FGFR3: variants seen among roughly 807,000 people sequenced by gnomAD.
FGFR3 encodes the protein FGFR-3.
In FGFR3, 25 loss-of-function variants were observed where a neutral mutation model predicts 82.9. The ratio of observed to expected loss-of-function variants is 0.30; its 90% CI spans 0.22 to 0.42. The LOEUF is 0.42. FGFR3 is among the 10% of genes least tolerant of loss of function. The probability of loss-of-function intolerance (pLI) is 1.00; values close to 1 mark genes in which losing one functional copy is unlikely to be tolerated. For missense variants in FGFR3, 1,026 were observed against 1,161.0 expected, an observed-to-expected ratio of 0.88 and a Z score of 1.69; for synonymous variants, 620 against 516.0, an observed-to-expected ratio of 1.20 and a Z score of -2.73.
At chr4:1,804,224 GC>G in intron 8 of FGFR3, 105 bp from the exon 9 acceptor site, 2 of 1,314,138 alleles carry the variant, frequency 1.5e-6, no homozygotes, top group Non-Finnish European at 1.0e-6. Context: ...GAGGTTCTGA[GC>G]CCCCTTCCGC....
intron 9 of FGFR3, 122 bp from the exon 10 acceptor site, chr4:1,804,702 A>G (rs1168764438): frequency 1.9e-5 from 28 of 1,438,550 alleles, no homozygotes; most frequent in Non-Finnish European, 2.6e-5. Context: ...CATTCTAAAA[A>G]TCTTCATTCA....
intron 2 of FGFR3, among the ~76,000 whole-genome samples, chr4:1,795,257 CG>C (rs1366477651): frequency 2.0e-5 from 3 of 152,074 alleles, no homozygotes; most frequent in Non-Finnish European, 4.4e-5. Context: ...GGGGCGGCCG[CG>C]GGGGGAGCTT....
intron 7 of FGFR3, 35 bp downstream of exon 7, chr4:1,802,060 G>C (rs1374402480): frequency 6.3e-7 from 1 of 1,591,536 alleles, no homozygotes; most frequent in Non-Finnish European, 8.6e-7. Flanking sequence ...GCCGCCGCTG[G>C]GGCTCCTGGG....
Position 1,805,933 on chromosome 4 carries a change from C to A in FGFR3, c.1829C>A (p.Ser610Tyr), listed in dbSNP as rs1176295260. ...GCCCGGGGCATGGAGTACTTGGCCTCCCAGAAGGTGGGCAGGGCGGCAGGT... is the reference window on the plus strand; with the variant it reads ...GCCCGGGGCATGGAGTACTTGGCCTACCAGAAGGTGGGCAGGGCGGCAGGT... ...QVARGMEYLA[S>Y]QKCIHRDLAA... Residue 610 changes from serine to tyrosine, a missense_variant, in exon 13 of 18, where the codon TCC (serine) becomes TAC (tyrosine). Around this residue, in one of 9 missense-constraint regions of FGFR3, gnomAD observed 164 missense variants for 167.5 expected, o/e 0.98. Coordinates refer to ENST00000440486, the MANE Select transcript of FGFR3 (RefSeq NM_000142.5). 40 of 1,608,340 alleles carry A rather than the reference C, an allele frequency of 2.5e-5. No individual in the cohort carries two copies. Among genetic ancestry groups the A allele is most frequent in the Admixed American group, 3.3e-5 (2 of 59,864 alleles).
Position 1,806,484 on chromosome 4 carries a change from G to C in FGFR3, c.2031-62G>C, listed in dbSNP as rs566872760. On this transcript the variant is annotated intron_variant, in intron 15 of 17. Transcript: ENST00000440486. ...AGCGCAGCCCTGGCCTATTCCCCTG[G>C]TGCCCGCCCAGGTGTCTGTCCTGGG... The C allele has an allele frequency of 3.1e-6, 5 of 1,612,236 alleles. No individual in the cohort carries two copies. The African/African-American group carries it at 5.3e-5, about 17-fold the overall frequency.
chr4:1,807,843 T>C lies in FGFR3; in HGVS notation c.*581T>C. 1 of 438,388 alleles carries C rather than the reference T, an allele frequency of 2.3e-6. No homozygotes were observed. The highest frequency in any genetic ancestry group is 4.3e-6 in the Non-Finnish European group (1 of 230,552). The allele number at this position is 438,388 out of a possible 1,614,324, so 27.2% of individuals were successfully genotyped here. On this transcript the variant is annotated 3_prime_UTR_variant, in exon 18 of 18. Coordinates refer to ENST00000440486, the MANE Select transcript of FGFR3 (RefSeq NM_000142.5). ...GAGCCTTTACCTTTTATGCAAAAGGTTTATTCCGGAAACTAGTGTACATTT... is the reference window on the plus strand; with the variant it reads ...GAGCCTTTACCTTTTATGCAAAAGGCTTATTCCGGAAACTAGTGTACATTT...
intron 2 of FGFR3, among the ~76,000 whole-genome samples, chr4:1,794,994 A>G (rs1720309296): frequency 6.6e-6 from 1 of 151,400 alleles, no homozygotes; most frequent in African/African-American, 2.4e-5. Context: ...GGGAGGTGTG[A>G]GCGACCGCGG....
chr4:1,801,301 G>T, intron 4 of FGFR3, 66 bp from the exon 5 acceptor site: 1 of 1,506,814 alleles, frequency 6.6e-7, no homozygotes, highest in Admixed American at 2.0e-5. Flanking sequence ...CTCTGGGAAG[G>T]GGGTTGTTCA....
intron 2 of FGFR3, among the ~76,000 whole-genome samples, chr4:1,798,592 C>T (rs1348177737): frequency 1.3e-5 from 2 of 151,830 alleles, no homozygotes; most frequent in Admixed American, 6.5e-5. Flanking sequence ...GGTGAACCCG[C>T]GCATCGCCCC....
chr4:1,806,070 CTGCCCGCAATG>C lies in FGFR3; in HGVS notation c.1860_1870del (p.Arg621GlyfsTer40). On this transcript the variant is annotated frameshift_variant, in exon 14 of 18. Coordinates refer to ENST00000440486, the MANE Select transcript of FGFR3 (RefSeq NM_000142.5). LOFTEE classifies it high-confidence loss of function. ...CCCCAGTGCATCCACAGGGACCTGGCTGCCCGCAATGTGCTGGTGACCGAGGACAACGTGAT... is the reference window on the plus strand; with the variant it reads ...CCCCAGTGCATCCACAGGGACCTGGCTGCTGGTGACCGAGGACAACGTGAT... 6.2e-7 allele frequency: 1 copy of C among 1,613,598 alleles called. No individual in the cohort carries two copies. Among genetic ancestry groups the C allele is most frequent in the Non-Finnish European group, 8.5e-7 (1 of 1,179,972 alleles).
In FGFR3 at chr4:1,808,181, G is replaced by A. The variant is rs1211997149; in HGVS notation, c.*919G>A. On this transcript the variant is annotated 3_prime_UTR_variant, in exon 18 of 18. Transcript: ENST00000440486. The stretch of plus-strand genomic sequence containing the variant: ...TCCAGCATTTAGCTGGCCACATGGC[G>A]GAGAGTTTTAATTTTTAACTTATTG... 3 of 232,762 alleles carry A rather than the reference G, an allele frequency of 1.3e-5. No individual in the cohort carries two copies. The highest frequency in any genetic ancestry group is 6.1e-5 in the East Asian group (1 of 16,528). The allele number at this position is 232,762 out of a possible 1,614,324, so 14.4% of individuals were successfully genotyped here. A position where few individuals can be genotyped will look rare whatever the true frequency, so the allele number is the denominator to read the frequency against.
Position 1,794,164 on chromosome 4 carries a change from C to T in FGFR3, c.109+121C>T, listed in dbSNP as rs866563418. The T allele has an allele frequency of 8.5e-6, 4 of 470,960 alleles. No homozygotes were observed. In the Admixed American group the frequency reaches 1.9e-4, roughly 22 times the overall value. The allele number at this position is 470,960 out of a possible 1,614,324, so 29.2% of individuals were successfully genotyped here. On this transcript the variant is annotated intron_variant, in intron 2 of 17. Transcript: ENST00000440486. ...GTGAGTGACGCCCCGGGGTTAGAGC[C>T]CGGATTCCGCTGCCTCCTTGCCGGA...
intron 4 of FGFR3, 66 bp downstream of exon 4, chr4:1,799,878 C>T (rs1268612961): frequency 2.5e-6 from 4 of 1,569,380 alleles, no homozygotes; most frequent in South Asian, 2.3e-5. Flanking sequence ...AAGCCCTGCC[C>T]TTCACAGGCA....
rs1577283812 is a variant in FGFR3 at position 1,804,202 on chromosome 4, A to G, written c.1076-128A>G. ...TTACTGACTGCGAGACCCTCCAGAC[A>G]AGGCGCGTGCTGAGGTTCTGAGCCC... On this transcript the variant is annotated intron_variant, in intron 8 of 17. Coordinates refer to ENST00000440486, the MANE Select transcript of FGFR3 (RefSeq NM_000142.5). The G allele has an allele frequency of 2.3e-5, 24 of 1,066,504 alleles. No individual in the cohort carries two copies. The South Asian group carries it at 3.5e-4, about 16-fold the overall frequency. 66.1% of individuals were successfully genotyped at this position (1,066,504 alleles called of 1,614,324 possible). A position where few individuals can be genotyped will look rare whatever the true frequency, so the allele number is the denominator to read the frequency against.
At position 1,806,080 on chromosome 4, in the gene FGFR3, T is replaced by C. The variant is rs2108806595; in HGVS notation, c.1866T>C (p.Asn622=). 6.2e-7 allele frequency: 1 copy of C among 1,613,636 alleles called. No homozygotes were observed. The highest frequency in any genetic ancestry group is 1.1e-5 in the South Asian group (1 of 91,082). The change falls in exon 14 of 18, where the codon AAT becomes AAC. Residue 622 remains asparagine, a synonymous_variant. Coordinates refer to ENST00000440486, the MANE Select transcript of FGFR3 (RefSeq NM_000142.5). ...KCIHRDLAAR[N]VLVTEDNVMK... ...TCCACAGGGACCTGGCTGCCCGCAA[T>C]GTGCTGGTGACCGAGGACAACGTGA...
At chr4:1,795,633 G>A (rs114004047) in intron 2 of FGFR3, among the ~76,000 whole-genome samples, 1,831 of 152,328 alleles carry the variant, frequency 0.012, 13 homozygotes, top group Non-Finnish European at 0.018. Flanking sequence ...CAAGGGCGGT[G>A]GGAAAGGTTT....
chr4:1,793,759 G>T, intron 1 of FGFR3, 74 bp from the exon 2 acceptor site: 1 of 159,392 alleles, frequency 6.3e-6, no homozygotes, highest in South Asian at 1.8e-4. Context: ...CGGAGGGGTC[G>T]GGACGCAGGA....
intron 17 of FGFR3, 34 bp from the exon 18 acceptor site, chr4:1,807,082 G>A (rs2108816587): frequency 1.3e-6 from 2 of 1,557,878 alleles, no homozygotes; most frequent in Middle Eastern, 1.7e-4. Context: ...GAGGGGCTCG[G>A]TGGCACAGCG....
At position 1,808,434 on chromosome 4, in the gene FGFR3, T is replaced by C. The variant is rs754991883; in HGVS notation, c.*1172T>C. The C allele has an allele frequency of 5.6e-5, 13 of 232,364 alleles. No homozygotes were observed. The highest frequency in any genetic ancestry group is 7.7e-5 in the Non-Finnish European group (9 of 117,296). 14.4% of individuals were successfully genotyped at this position (232,364 alleles called of 1,614,324 possible). On this transcript the variant is annotated 3_prime_UTR_variant, in exon 18 of 18. Coordinates refer to ENST00000440486, the MANE Select transcript of FGFR3 (RefSeq NM_000142.5). Reference sequence around the variant, plus strand: ...ACTTCAAAGCAAGCTGGTATTTTCATACAAATTCTTCTAATTGCTGTGTGT... The same window carrying C: ...ACTTCAAAGCAAGCTGGTATTTTCACACAAATTCTTCTAATTGCTGTGTGT...
Sources: allele counts gnomAD v4.1 joint callset (sites outside exome capture counted in the v4.1 genomes callset), GRCh38; gene constraint gnomAD v4.1.1; regional missense constraint gnomAD v4.1.1; transcripts MANE v1.5; gene names NCBI Gene and HGNC (gene_info 2026-07-23, HGNC 2026-07-21).